EPB41L5: variants seen among roughly 807,000 people sequenced by gnomAD.
The protein encoded by EPB41L5 is erythrocyte membrane protein band 4.1 like 5, also known as band 4.1-like protein 5.
Under a neutral mutation model 106.6 loss-of-function variants are expected in EPB41L5, and 55 were observed. That is an observed-to-expected ratio of 0.52 (90% CI 0.42 to 0.65). The LOEUF is 0.65. Among genes scored for constraint, EPB41L5 ranks in the 30% least tolerant of loss-of-function variants. The pLI is 0.00. For missense variants in EPB41L5, 871 were observed against 882.1 expected (o/e 0.99, Z 0.16); for synonymous variants, 297 against 306.7 (o/e 0.97, Z 0.33).
chr2:120,148,712 A>G (rs1686523431), intron 20 of EPB41L5, among the ~76,000 whole-genome samples: 1 of 152,160 alleles, frequency 6.6e-6, no homozygotes, highest in Non-Finnish European at 1.5e-5. Flanking sequence ...TGGCTAAATA[A>G]TATTTCATTA....
intron 3 of EPB41L5, among the ~76,000 whole-genome samples, chr2:120,070,941 C>T (rs1468395354): frequency 5.3e-5 from 8 of 152,096 alleles, no homozygotes; most frequent in Admixed American, 1.3e-4. Flanking sequence ...ACAAGGATGC[C>T]GTCTCTCACC....
At chr2:120,064,792 AC>A (rs1236409081) in intron 3 of EPB41L5, among the ~76,000 whole-genome samples, 1 of 152,124 alleles carries the variant, frequency 6.6e-6, no homozygotes, top group Admixed American at 6.6e-5. Context: ...ACTCCTAAAG[AC>A]CCTGATTCAA....
chr2:120,056,026 G>C (rs1483098540), intron 3 of EPB41L5, among the ~76,000 whole-genome samples: 1 of 152,024 alleles, frequency 6.6e-6, no homozygotes, highest in African/African-American at 2.4e-5. Flanking sequence ...TGATCTTAGT[G>C]GGGAAAATGT....
chr2:120,023,867 T>G (rs1257802760), intron 2 of EPB41L5, among the ~76,000 whole-genome samples: 1 of 152,184 alleles, frequency 6.6e-6, no homozygotes, highest in Non-Finnish European at 1.5e-5. Flanking sequence ...TGAGCAATGG[T>G]TTGTAGTTCT....
intron 1 of EPB41L5, among the ~76,000 whole-genome samples, chr2:120,017,612 T>C (rs1258807686): frequency 2.0e-5 from 3 of 152,202 alleles, no homozygotes; most frequent in Non-Finnish European, 4.4e-5. Flanking sequence ...ATGTTCTTTA[T>C]AGAGTTAAGG....
chr2:120,127,830 G>A lies in EPB41L5; in HGVS notation c.1480G>A (p.Glu494Lys). Reference sequence around the variant, plus strand: ...AGCCACCAGGCTTCCGGGATTAGGGGAACCTGAAGTTGAATATGAGAGTAA... The same window carrying A: ...AGCCACCAGGCTTCCGGGATTAGGGAAACCTGAAGTTGAATATGAGAGTAA... The part of the protein sequence containing the change: ...NVATRLPGLG[E>K]PEVEYETLKD... The change falls in exon 17 of 25, where the codon GAA (glutamate) becomes AAA (lysine). Residue 494 changes from glutamate (E) to lysine (K), a missense_variant. Physicochemically the swap from Glu to Lys is moderately conservative, Grantham distance 56. Coordinates refer to ENST00000263713, the MANE Select transcript of EPB41L5 (RefSeq NM_020909.4). 6.2e-7 allele frequency: 1 copy of A among 1,610,576 alleles called. No individual in the cohort carries two copies. The highest frequency in any genetic ancestry group is 8.5e-7 in the Non-Finnish European group (1 of 1,177,564).
chr2:120,096,544 C>CT (rs1558871453), intron 14 of EPB41L5, among the ~76,000 whole-genome samples: 1 of 152,162 alleles, frequency 6.6e-6, no homozygotes, highest in Non-Finnish European at 1.5e-5. Flanking sequence ...AATCCTAACA[C>CT]TTTGGGAGGC....
intron 6 of EPB41L5, 73 bp from the exon 7 acceptor site, chr2:120,075,628 G>T (rs923963415): frequency 8.4e-6 from 12 of 1,435,830 alleles, no homozygotes; most frequent in Non-Finnish European, 5.9e-6. Flanking sequence ...CATAAAACAT[G>T]TATTATTTTC....
intron 16 of EPB41L5, among the ~76,000 whole-genome samples, chr2:120,126,578 T>A (rs1009983727): frequency 6.6e-6 from 1 of 152,226 alleles, no homozygotes; most frequent in Non-Finnish European, 1.5e-5. Context: ...TGATTTATCT[T>A]GTCAAAAAGC....
At chr2:120,040,382 A>G (rs1679327393) in intron 2 of EPB41L5, among the ~76,000 whole-genome samples, 1 of 152,228 alleles carries the variant, frequency 6.6e-6, no homozygotes, top group African/African-American at 2.4e-5. Context: ...GTTGACTGCA[A>G]GAAGATAATG....
intron 14 of EPB41L5, among the ~76,000 whole-genome samples, chr2:120,095,001 G>C (rs1356089393): frequency 6.6e-6 from 1 of 152,094 alleles, no homozygotes; most frequent in Non-Finnish European, 1.5e-5. Flanking sequence ...GTGTACTTAA[G>C]AAGAGTATAT....
At chr2:120,112,618 T>C (rs550837382) in intron 16 of EPB41L5, among the ~76,000 whole-genome samples, 1 of 152,298 alleles carries the variant, frequency 6.6e-6, no homozygotes, top group South Asian at 2.1e-4. Context: ...GAGCTTTGAA[T>C]GGATAAATCA....
intron 2 of EPB41L5, among the ~76,000 whole-genome samples, chr2:120,040,141 T>G (rs2105203462): frequency 6.6e-6 from 1 of 151,878 alleles, no homozygotes; most frequent in South Asian, 2.1e-4. Flanking sequence ...AGCACTGACG[T>G]AGGAAACTTA....
At chr2:120,156,766 A>G (rs1404659012) in intron 20 of EPB41L5, among the ~76,000 whole-genome samples, 1 of 152,198 alleles carries the variant, frequency 6.6e-6, no homozygotes, top group Admixed American at 6.5e-5. Flanking sequence ...TGCACCCAAT[A>G]CAGGAGCACC....
At chr2:120,119,502 T>TTAA (rs1685109922) in intron 16 of EPB41L5, among the ~76,000 whole-genome samples, 4 of 152,156 alleles carry the variant, frequency 2.6e-5, no homozygotes, top group Non-Finnish European at 5.9e-5. Context: ...TACATTTGAG[T>TTAA]CTTTAATCCA....
intron 16 of EPB41L5, among the ~76,000 whole-genome samples, chr2:120,114,202 G>A (rs12473122): frequency 0.62 from 94,529 of 151,942 alleles, 31,183 homozygotes; most frequent in Middle Eastern, 0.74. Flanking sequence ...GGATGATGTT[G>A]GTATATTTTG....
intron 2 of EPB41L5, among the ~76,000 whole-genome samples, chr2:120,020,825 A>AAT (rs1677870267): frequency 6.9e-5 from 2 of 28,922 alleles, no homozygotes; most frequent in African/African-American, 1.9e-4. Context: ...TAAAAAAAAA[A>AAT]AAAAGAGGTT....
chr2:120,051,384 C>T (rs190486394), intron 3 of EPB41L5, among the ~76,000 whole-genome samples: 41 of 152,288 alleles, frequency 2.7e-4, no homozygotes, highest in Non-Finnish European at 4.4e-4. Flanking sequence ...CTCGCTGCCA[C>T]CTTGCAGTTT....
At chr2:120,173,106 A>C (rs927954093) in intron 24 of EPB41L5, among the ~76,000 whole-genome samples, 2 of 152,226 alleles carry the variant, frequency 1.3e-5, no homozygotes, top group Non-Finnish European at 2.9e-5. Flanking sequence ...ACGACAACAA[A>C]AAAATGAGGC....
Sources: allele counts gnomAD v4.1 joint callset (sites outside exome capture counted in the v4.1 genomes callset), GRCh38; gene constraint gnomAD v4.1.1; transcripts MANE v1.5; gene names NCBI Gene and HGNC (gene_info 2026-07-23, HGNC 2026-07-21).